Variants in ROS1 observed in about 807,000 individuals in gnomAD.
ROS1 encodes the protein ROS proto-oncogene 1, receptor tyrosine kinase.
Under a neutral mutation model 273.5 loss-of-function variants are expected in ROS1, and 263 were observed. That is an observed-to-expected ratio of 0.96 (90% confidence interval 0.87 to 1.06). ROS1 has a LOEUF of 1.06. Among genes scored for constraint, ROS1 ranks in the 50% least tolerant of loss-of-function variants. The pLI is 0.00. For synonymous variants in ROS1, 1,008 were observed against 954.1 expected (o/e 1.06, Z -1.04); for missense variants, 2,833 against 2,751.1 (o/e 1.03, Z -0.67).
rs1457175155 is a variant in ROS1 at position 117,389,547 on chromosome 6, T to A, written c.1589A>T (p.Asp530Val). 3 of 1,614,166 alleles carry A rather than the reference T, an allele frequency of 1.9e-6. No homozygotes were observed. The highest frequency in any genetic ancestry group is 2.2e-5 in the East Asian group (1 of 44,880). Residue 530 changes from aspartate to valine, a missense_variant, in exon 13 of 44, where the codon GAT becomes GTT. Transcript: ENST00000368507. Reference sequence around the variant, plus strand: ...GATGAATTCATTAAAAGACAAAGCATCCTGTTGGAAAATGACCTTGCCATC... The same window carrying A: ...GATGAATTCATTAAAAGACAAAGCAACCTGTTGGAAAATGACCTTGCCATC... ...VTDGKVIFQQ[D>V]ALSFNEFIVG...
Position 117,360,358 on chromosome 6 carries a change from T to C in ROS1, c.3414A>G (p.Val1138=), listed in dbSNP as rs1252275336. Residue 1138 remains valine, a synonymous_variant, in exon 23 of 44, where the codon GTA becomes GTG. Transcript: ENST00000368507. Reference sequence around the variant, plus strand: ...AACAAATACCTGATGTTGTAGACTTTACAACGTCAGCATATGGTCCTGGCC... The same window carrying C: ...AACAAATACCTGATGTTGTAGACTTCACAACGTCAGCATATGGTCCTGGCC... ...SKGPGPYADV[V]KSTTSEINPF... The C allele has an allele frequency of 6.2e-7, 1 of 1,613,328 alleles. No homozygotes were observed. Among genetic ancestry groups the C allele is most frequent in the African/African-American group, 1.3e-5 (1 of 74,824 alleles).
At chr6:117,414,981 CAA>C (rs58458511) in intron 3 of ROS1, among the ~76,000 whole-genome samples, 3,771 of 152,346 alleles carry the variant, frequency 0.025, 132 homozygotes, top group African/African-American at 0.085. Context: ...TTCCCAGCAA[CAA>C]ATGGTGCTTC....
intron 5 of ROS1, among the ~76,000 whole-genome samples, chr6:117,408,851 T>G (rs1774650119): frequency 6.6e-6 from 1 of 152,108 alleles, no homozygotes; most frequent in Non-Finnish European, 1.5e-5. Flanking sequence ...TAAGAAAACG[T>G]GGCACACATA....
chr6:117,292,554 T>C (rs1582524796), intron 43 of ROS1, among the ~76,000 whole-genome samples: 1 of 152,282 alleles, frequency 6.6e-6, no homozygotes. Context: ...TCCACCCACT[T>C]GTCACTCTCT....
At chr6:117,384,652 C>G (rs1030108551) in intron 16 of ROS1, among the ~76,000 whole-genome samples, 1 of 152,164 alleles carries the variant, frequency 6.6e-6, no homozygotes, top group East Asian at 1.9e-4. Flanking sequence ...CAAAATATAT[C>G]ACTCCACAGG....
At chr6:117,314,723 C>A (rs1775783097) in intron 39 of ROS1, among the ~76,000 whole-genome samples, 1 of 152,132 alleles carries the variant, frequency 6.6e-6, no homozygotes, top group Non-Finnish European at 1.5e-5. Flanking sequence ...TGAGTTGATG[C>A]ATCAGGCATT....
At chr6:117,338,891 G>A (rs145516888) in intron 31 of ROS1, among the ~76,000 whole-genome samples, 1 of 152,282 alleles carries the variant, frequency 6.6e-6, no homozygotes, top group East Asian at 1.9e-4. Flanking sequence ...GTGAGGGGGA[G>A]TGTGAGCTAA....
chr6:117,358,811 T>C (rs1457356296), intron 24 of ROS1, among the ~76,000 whole-genome samples: 1 of 152,098 alleles, frequency 6.6e-6, no homozygotes, highest in African/African-American at 2.4e-5. Context: ...TCTCACCTCA[T>C]GCTCATCCCC....
rs934940589 is a variant in ROS1, at chr6:117,356,719, A to G, written c.4036T>C (p.Leu1346=). ...TCTTGTGCTTTGGCAAAGTATATCA[A>G]TGGTTTCTCTAGGTTAGAGGTATCA... ...AIDTSNLEKP[L]IYFAKAQEIW... is the part of the protein sequence containing the mutation. The change falls in exon 26 of 44, where the codon TTG becomes CTG. Residue 1346 remains leucine, a synonymous_variant. Coordinates refer to ENST00000368507, the MANE Select transcript of ROS1 (RefSeq NM_001378902.1). 12 of 1,614,172 alleles carry G rather than the reference A, an allele frequency of 7.4e-6. No individual in the cohort carries two copies. The highest frequency in any genetic ancestry group is 4.5e-5 in the East Asian group (2 of 44,882).
In ROS1 at chr6:117,337,337, T is replaced by A; in HGVS notation, c.5065A>T (p.Lys1689Ter). The A allele has an allele frequency of 1.3e-6, 2 of 1,585,456 alleles. No individual in the cohort carries two copies. The highest frequency in any genetic ancestry group is 1.7e-6 in the Non-Finnish European group (2 of 1,171,200). ...IRFWVELQKWKYNEFYHVKTS... is the reference protein window; with the variant it reads ...IRFWVELQKW ...TTAACATGGTAAAACTCATTGTATT[T>A]CCACTAGAAAAAGAAGTCTCGATTA... The change falls in exon 32 of 44, where the codon AAA becomes TAA. Residue 1689 changes from lysine (K) to a stop codon, truncating the protein, a stop_gained. Coordinates refer to ENST00000368507, the MANE Select transcript of ROS1 (RefSeq NM_001378902.1). LOFTEE classifies it high-confidence loss of function.
Position 117,290,143 on chromosome 6 carries a change from G to A in ROS1, c.6716-1341C>T, listed in dbSNP as rs546036797. Among the ~76,000 whole-genome samples the A allele has an allele frequency of 2.0e-5, 3 of 152,146 alleles. No homozygotes were observed. The South Asian group carries it at 6.2e-4, about 32-fold the overall frequency. On this transcript the variant is annotated intron_variant, in intron 43 of 43. Transcript: ENST00000368507. ...TGTCATACATTTAATCCATGAATGA[G>A]CATATTGGAAAACTTCCTACTAAAA... is the stretch of plus-strand genomic sequence containing the variant.
Position 117,288,747 on chromosome 6 carries a change from T to A in ROS1, c.6771A>T (p.Leu2257Phe). ...LNSDDIMPVALMETKNREGLN... is the reference protein window; with the variant it reads ...LNSDDIMPVAFMETKNREGLN... ...ACCCTTCTCGGTTCTTCGTTTCCAT[T>A]AAAGCAACTGGCATAATGTCATCTG... Residue 2257 changes from leucine (L) to phenylalanine (F), a missense_variant, in exon 44 of 44, where the codon TTA becomes TTT. By Grantham distance (22) the Leu-to-Phe change is conservative. Transcript: ENST00000368507. 1 of 1,613,888 alleles carries A rather than the reference T, an allele frequency of 6.2e-7. No homozygotes were observed. Among genetic ancestry groups the A allele is most frequent in the Non-Finnish European group, 8.5e-7 (1 of 1,179,952 alleles).
chr6:117,342,486 A>G lies in ROS1; in HGVS notation c.4565T>C (p.Ile1522Thr). 6.2e-7 allele frequency: 1 copy of G among 1,604,502 alleles called. No homozygotes were observed. Among genetic ancestry groups the G allele is most frequent in the Non-Finnish European group, 8.5e-7 (1 of 1,172,200 alleles). Residue 1522 changes from isoleucine to threonine, a missense_variant, in exon 29 of 44, where the codon ATA becomes ACA. Transcript: ENST00000368507. ...EDLQPFSTYM[I>T]QIAVKNYYSD... Reference sequence around the variant, plus strand: ...ATAATAATTTTTTACAGCTATCTGTATCATGTATGTTGAAAATGGTTGTAA... The same window carrying G: ...ATAATAATTTTTTACAGCTATCTGTGTCATGTATGTTGAAAATGGTTGTAA...
In ROS1 at chr6:117,366,225, A is replaced by C. The variant is rs369516763; in HGVS notation, c.2648T>G (p.Leu883Arg). 2.9e-5 allele frequency: 46 copies of C among 1,613,996 alleles called. No individual in the cohort carries two copies. The highest frequency in any genetic ancestry group is 3.7e-5 in the Non-Finnish European group (44 of 1,179,996). Residue 883 changes from leucine (L) to arginine (R), a missense_variant, in exon 19 of 44, where the codon CTG (leucine) becomes CGG (arginine). By Grantham distance (102) the Leu-to-Arg change is moderately radical. Coordinates refer to ENST00000368507, the MANE Select transcript of ROS1 (RefSeq NM_001378902.1). ...GAACAGCCGACCACTATAGTACATC[A>C]GTGCATTCTGGGAAATTTCAGAAGT... ...WSTSEISQNA[L>R]MYYSGRLFWI...
intron 39 of ROS1, among the ~76,000 whole-genome samples, chr6:117,312,519 A>G (rs1295268437): frequency 2.0e-5 from 3 of 151,998 alleles, no homozygotes; most frequent in Non-Finnish European, 4.4e-5. Context: ...TGAATGGTTC[A>G]CTGGTTCCTG....
intron 18 of ROS1, among the ~76,000 whole-genome samples, chr6:117,369,837 C>T (rs1780609084): frequency 6.6e-6 from 1 of 151,948 alleles, no homozygotes; most frequent in South Asian, 2.1e-4. Flanking sequence ...TGTTTATGTG[C>T]TTATAGGCAT....
chr6:117,414,159 T>A (rs769174506), intron 4 of ROS1, among the ~76,000 whole-genome samples: 1 of 152,114 alleles, frequency 6.6e-6, no homozygotes, highest in Non-Finnish European at 1.5e-5. Flanking sequence ...CAGAGATATC[T>A]CTGAATGTGC....
At chr6:117,408,820 T>C (rs1298563354) in intron 5 of ROS1, among the ~76,000 whole-genome samples, 1 of 152,018 alleles carries the variant, frequency 6.6e-6, no homozygotes, top group Non-Finnish European at 1.5e-5. Flanking sequence ...AACCCAAATG[T>C]CCAACAATGA....
intron 27 of ROS1, among the ~76,000 whole-genome samples, chr6:117,346,504 T>C (rs1227753396): frequency 2.0e-5 from 3 of 152,062 alleles, no homozygotes; most frequent in African/African-American, 7.2e-5. Flanking sequence ...TTGGAGCGTG[T>C]TTGTGTATGT....
Sources: gnomAD v4.1 joint callset for allele counts (sites outside exome capture counted in the v4.1 genomes callset) on GRCh38, gnomAD v4.1.1 for gene constraint, MANE v1.5 for transcripts, NCBI Gene and HGNC (gene_info 2026-07-23, HGNC 2026-07-21) for gene names.